The following RFC3 variants were observed in gnomAD, a reference collection of about 807,000 sequenced individuals.
RFC3 encodes replication factor C subunit 3.
Under a neutral mutation model 45.1 loss-of-function variants are expected in RFC3, and 41 were observed. The ratio of observed to expected loss-of-function variants is 0.91; its 90% confidence interval spans 0.71 to 1.18. The LOEUF is 1.18. Among genes scored for constraint, RFC3 ranks in the 50% most tolerant of loss-of-function variants. RFC3 has a pLI of 0.00. For missense variants in RFC3, 423 were observed against 428.1 expected (o/e 0.99, Z 0.10); for synonymous variants, 149 against 144.0 (o/e 1.03, Z -0.25).
At chr13:33,965,029 T>C (rs959302082) in intron 8 of RFC3, among the ~76,000 whole-genome samples, 2 of 151,884 alleles carry the variant, frequency 1.3e-5, no homozygotes, top group African/African-American at 4.8e-5. Flanking sequence ...TCCCCTAGAG[T>C]CTCTGGGGGA....
intron 8 of RFC3, among the ~76,000 whole-genome samples, chr13:33,844,048 A>T (rs967681864): frequency 7.2e-5 from 11 of 152,058 alleles, no homozygotes; most frequent in African/African-American, 2.7e-4. Context: ...TCTTTTGATG[A>T]TTAATCATGT....
intron 8 of RFC3, among the ~76,000 whole-genome samples, chr13:33,904,532 C>T (rs1305488139): frequency 5.3e-5 from 8 of 152,110 alleles, no homozygotes; most frequent in Middle Eastern, 3.4e-3. Context: ...AGTTTTCCTA[C>T]CTCCAGTCTT....
chr13:33,911,059 C>T (rs2082701314), intron 8 of RFC3, among the ~76,000 whole-genome samples: 1 of 152,056 alleles, frequency 6.6e-6, no homozygotes, highest in Non-Finnish European at 1.5e-5. Context: ...GACACAGAAG[C>T]AAACCACATC....
intron 8 of RFC3, among the ~76,000 whole-genome samples, chr13:33,954,558 C>G (rs1364818341): frequency 6.6e-6 from 1 of 152,204 alleles, no homozygotes; most frequent in East Asian, 1.9e-4. Flanking sequence ...GCAGTTATGA[C>G]AGAATACAAT....
At chr13:33,831,503 C>G in intron 7 of RFC3, 149 bp downstream of exon 7, 1 of 469,978 alleles carries the variant, frequency 2.1e-6, no homozygotes, top group Non-Finnish European at 3.5e-6. Context: ...CATTTAACTT[C>G]AGAAATTTAG....
chr13:33,962,998 C>G (rs887454306), intron 8 of RFC3, among the ~76,000 whole-genome samples: 2 of 152,028 alleles, frequency 1.3e-5, no homozygotes, highest in African/African-American at 4.8e-5. Context: ...AGCAGGAATT[C>G]AATAAATGGT....
chr13:33,945,073 G>T (rs1461860627), intron 8 of RFC3, among the ~76,000 whole-genome samples: 1 of 152,074 alleles, frequency 6.6e-6, no homozygotes. Flanking sequence ...GTCAGCTCTT[G>T]CCCTGTGGAT....
chr13:33,873,370 A>T (rs547631208), intron 8 of RFC3, among the ~76,000 whole-genome samples: 1 of 152,216 alleles, frequency 6.6e-6, no homozygotes, highest in East Asian at 1.9e-4. Context: ...AAGTGACCTG[A>T]TAAAGTGGAA....
At chr13:33,863,470 G>A (rs1408066179) in intron 8 of RFC3, among the ~76,000 whole-genome samples, 1 of 152,188 alleles carries the variant, frequency 6.6e-6, no homozygotes, top group Non-Finnish European at 1.5e-5. Flanking sequence ...GGTACTGAGT[G>A]GAGCCATATG....
chr13:33,833,048 T>G (rs922348686), intron 7 of RFC3, among the ~76,000 whole-genome samples: 2 of 152,156 alleles, frequency 1.3e-5, no homozygotes, highest in Non-Finnish European at 2.9e-5. Flanking sequence ...AACCAACAAT[T>G]GTAGGAATTG....
At chr13:33,935,109 TATA>T (rs1189947579) in intron 8 of RFC3, among the ~76,000 whole-genome samples, 1 of 152,122 alleles carries the variant, frequency 6.6e-6, no homozygotes, top group Non-Finnish European at 1.5e-5. Context: ...TTTGAAATGT[TATA>T]ATATATTATT....
intron 8 of RFC3, among the ~76,000 whole-genome samples, chr13:33,862,985 T>A (rs2082350959): frequency 6.6e-6 from 1 of 152,194 alleles, no homozygotes; most frequent in South Asian, 2.1e-4. Flanking sequence ...AATTCTTACA[T>A]GCATTTCTAA....
rs945781804 is a variant in RFC3, at chr13:33,907,410, A to C, written c.880-58677A>C. Among the ~76,000 whole-genome samples, 5 of 152,224 alleles carry C rather than the reference A, an allele frequency of 3.3e-5. No individual in the cohort carries two copies. In the East Asian group the frequency reaches 9.7e-4, roughly 29 times the overall value. On this transcript the variant is annotated intron_variant, in intron 8 of 8. Transcript: ENST00000434425. Reference sequence around the variant, plus strand: ...TATTACCCCATTATTACATATCAAAAATTAAATCTTCCCAAGACAAATAAA... The same window carrying C: ...TATTACCCCATTATTACATATCAAACATTAAATCTTCCCAAGACAAATAAA...
intron 8 of RFC3, among the ~76,000 whole-genome samples, chr13:33,873,277 A>G (rs1157673106): frequency 1.3e-5 from 2 of 152,216 alleles, no homozygotes; most frequent in Non-Finnish European, 2.9e-5. Context: ...GCCTTTTTAA[A>G]GATATTATTT....
chr13:33,925,613 G>C (rs961175663), intron 8 of RFC3, among the ~76,000 whole-genome samples: 2 of 149,506 alleles, frequency 1.3e-5, no homozygotes, highest in Non-Finnish European at 3.0e-5. Context: ...CATATATAGT[G>C]TACTATATAC....
In RFC3 at chr13:33,925,688, T is replaced by TAC. The variant is rs1160986521; in HGVS notation, c.880-40398_880-40397insCA. Among the ~76,000 whole-genome samples, 746 of 138,372 alleles carry TAC rather than the reference T, an allele frequency of 5.4e-3. 7 individuals are homozygous for TAC. Among genetic ancestry groups the TAC allele is most frequent in the African/African-American group, 0.021 (689 of 33,368 alleles). 90.8% of individuals were successfully genotyped at this position (138,372 alleles called of 152,430 possible). On this transcript the variant is annotated intron_variant, in intron 8 of 8. Coordinates refer to the RFC3 transcript ENST00000434425. ...ACAATTAAGTTAGTGTGTATGTATATATACACACACACACACACACATATA... is the reference window on the plus strand; with the variant it reads ...ACAATTAAGTTAGTGTGTATGTATATACATACACACACACACACACACATATA...
chr13:33,878,622 C>G (rs1448623908), intron 8 of RFC3, among the ~76,000 whole-genome samples: 1 of 152,086 alleles, frequency 6.6e-6, no homozygotes, highest in Non-Finnish European at 1.5e-5. Context: ...TGGACACATG[C>G]ATCTGAAGAG....
At chr13:33,825,379 T>A (rs2082039706) in intron 3 of RFC3, among the ~76,000 whole-genome samples, 2 of 152,156 alleles carry the variant, frequency 1.3e-5, no homozygotes, top group Admixed American at 1.3e-4. Context: ...ATTTTGGGGA[T>A]GTGGAAGAGG....
At chr13:33,865,260 A>G (rs1250514442) in intron 8 of RFC3, among the ~76,000 whole-genome samples, 1 of 152,212 alleles carries the variant, frequency 6.6e-6, no homozygotes, top group Non-Finnish European at 1.5e-5. Context: ...TATTTCTATA[A>G]TGATTGTGGA....
Sources: allele counts gnomAD v4.1 joint callset (sites outside exome capture counted in the v4.1 genomes callset), GRCh38; gene constraint gnomAD v4.1.1; transcripts MANE v1.5; gene names NCBI Gene and HGNC (gene_info 2026-07-23, HGNC 2026-07-21).